DNER: variants seen among roughly 807,000 people sequenced by gnomAD.
The protein encoded by DNER is delta/notch like EGF repeat containing.
Under a neutral mutation model 78.2 loss-of-function variants are expected in DNER, and 33 were observed. The observed-to-expected ratio is 0.42, with a 90% CI of 0.32 to 0.56. DNER has a LOEUF of 0.56. Ranked by LOEUF, DNER falls within the 20% of genes least tolerant of loss-of-function variation. The probability of loss-of-function intolerance (pLI) is 0.11; values close to 1 mark genes in which losing one functional copy is unlikely to be tolerated. For synonymous variants in DNER, 417 were observed against 384.8 expected (o/e 1.08, Z -0.98); for missense variants, 918 against 975.3 (o/e 0.94, Z 0.78).
chr2:229,571,305 G>A (rs1045654054), intron 4 of DNER, among the ~76,000 whole-genome samples: 2 of 152,040 alleles, frequency 1.3e-5, no homozygotes, highest in Admixed American at 6.6e-5. Flanking sequence ...AGAGTTTACC[G>A]CCATTGAAAT....
chr2:229,404,872 A>G (rs955058085), intron 10 of DNER, among the ~76,000 whole-genome samples: 5 of 152,194 alleles, frequency 3.3e-5, no homozygotes, highest in African/African-American at 1.2e-4. Flanking sequence ...TAAACTCTTG[A>G]TATATAGAAT....
chr2:229,396,992 G>A (rs749722358), intron 10 of DNER, among the ~76,000 whole-genome samples: 1 of 152,146 alleles, frequency 6.6e-6, no homozygotes, highest in Non-Finnish European at 1.5e-5. Flanking sequence ...GACTTTGGGG[G>A]TGGGTTTGCA....
intron 7 of DNER, among the ~76,000 whole-genome samples, chr2:229,461,550 G>C (rs561197609): frequency 6.6e-6 from 1 of 151,794 alleles, no homozygotes; most frequent in African/African-American, 2.4e-5. Flanking sequence ...TATGAAAAAC[G>C]ATAGATAGGA....
At chr2:229,505,235 A>G (rs1695713419) in intron 6 of DNER, among the ~76,000 whole-genome samples, 1 of 134,250 alleles carries the variant, frequency 7.4e-6, no homozygotes, top group Admixed American at 7.6e-5. Flanking sequence ...ACAATAAAAA[A>G]GCAGCACTAG....
intron 1 of DNER, among the ~76,000 whole-genome samples, chr2:229,597,024 C>T (rs1161552186): frequency 1.3e-5 from 2 of 151,350 alleles, no homozygotes; most frequent in East Asian, 2.0e-4. Flanking sequence ...CACACATGCA[C>T]ACGCACACAT....
Position 229,468,314 on chromosome 2 carries a change from A to T in DNER, c.1261+8826T>A, listed in dbSNP as rs969197716. On this transcript the variant is annotated intron_variant, in intron 7 of 12. Transcript: ENST00000341772. Reference sequence around the variant, plus strand: ...ATTAACAAATTAGCTACAAGATTAGACATTACAGTTTGGGGGGTCATGCAG... The same window carrying T: ...ATTAACAAATTAGCTACAAGATTAGTCATTACAGTTTGGGGGGTCATGCAG... Among the ~76,000 whole-genome samples the T allele has an allele frequency of 2.0e-5, 3 of 152,212 alleles. No homozygotes were observed. In the South Asian group the frequency reaches 6.2e-4, roughly 32 times the overall value.
intron 5 of DNER, among the ~76,000 whole-genome samples, chr2:229,525,411 C>T (rs1057358411): frequency 3.9e-5 from 6 of 152,082 alleles, no homozygotes; most frequent in African/African-American, 1.4e-4. Flanking sequence ...GAAGTGAATG[C>T]CAGCTTTACA....
intron 5 of DNER, among the ~76,000 whole-genome samples, chr2:229,538,466 G>A (rs2154213001): frequency 6.6e-6 from 1 of 152,240 alleles, no homozygotes; most frequent in African/African-American, 2.4e-5. Context: ...CTAGGTTCAA[G>A]CAATTATCCT....
At chr2:229,452,207 T>C (rs535184441) in intron 7 of DNER, among the ~76,000 whole-genome samples, 2 of 152,336 alleles carry the variant, frequency 1.3e-5, no homozygotes, top group South Asian at 4.1e-4. Context: ...ATGAAACCAG[T>C]TGTTTACTCG....
intron 1 of DNER, among the ~76,000 whole-genome samples, chr2:229,652,412 C>T (rs1426231672): frequency 6.6e-6 from 1 of 152,204 alleles, no homozygotes; most frequent in Non-Finnish European, 1.5e-5. Context: ...AGGGTAAGCA[C>T]ACTAGGTGCA....
At chr2:229,363,596 T>C (rs1692264141) in intron 12 of DNER, among the ~76,000 whole-genome samples, 1 of 152,240 alleles carries the variant, frequency 6.6e-6, no homozygotes, top group South Asian at 2.1e-4. Context: ...CAGTCACTGG[T>C]GCATGCAGGA....
At chr2:229,374,591 A>G (rs1692558399) in intron 11 of DNER, among the ~76,000 whole-genome samples, 1 of 152,146 alleles carries the variant, frequency 6.6e-6, no homozygotes, top group Admixed American at 6.5e-5. Flanking sequence ...GGTAGACACT[A>G]TTATTGCCTT....
At chr2:229,479,949 T>C (rs1695120685) in intron 6 of DNER, among the ~76,000 whole-genome samples, 1 of 152,170 alleles carries the variant, frequency 6.6e-6, no homozygotes, top group Non-Finnish European at 1.5e-5. Context: ...GATGGCATCA[T>C]GAATTCTGTC....
intron 11 of DNER, among the ~76,000 whole-genome samples, chr2:229,377,039 T>C (rs1464751742): frequency 6.6e-6 from 1 of 152,158 alleles, no homozygotes; most frequent in Non-Finnish European, 1.5e-5. Flanking sequence ...TCCCTTTCCC[T>C]GGTTGTCTAG....
intron 1 of DNER, among the ~76,000 whole-genome samples, chr2:229,681,762 C>A (rs1699390047): frequency 6.6e-6 from 1 of 151,412 alleles, no homozygotes; most frequent in African/African-American, 2.4e-5. Flanking sequence ...ATCCTCACCC[C>A]AAAATCTCAT....
chr2:229,557,465 C>T (rs898051517), intron 4 of DNER, among the ~76,000 whole-genome samples: 12 of 152,150 alleles, frequency 7.9e-5, no homozygotes, highest in Non-Finnish European at 1.8e-4. Flanking sequence ...GATGCATTTA[C>T]GAAGCTGTTT....
intron 1 of DNER, among the ~76,000 whole-genome samples, chr2:229,648,114 A>T (rs1047739776): frequency 1.4e-4 from 21 of 152,236 alleles, no homozygotes; most frequent in African/African-American, 5.1e-4. Context: ...TAAGTGCTCC[A>T]TAAAATTTAG....
intron 1 of DNER, among the ~76,000 whole-genome samples, chr2:229,652,566 C>A (rs955840845): frequency 6.6e-6 from 1 of 152,150 alleles, no homozygotes; most frequent in Admixed American, 6.5e-5. Context: ...AAAATGCCAT[C>A]AGGTGAGCTG....
At chr2:229,567,857 A>G (rs748699823) in intron 4 of DNER, among the ~76,000 whole-genome samples, 5 of 152,202 alleles carry the variant, frequency 3.3e-5, no homozygotes, top group Non-Finnish European at 7.4e-5. Context: ...AACAGATTTT[A>G]TTTATGCTTC....
Sources: allele counts gnomAD v4.1 joint callset (sites outside exome capture counted in the v4.1 genomes callset), GRCh38; gene constraint gnomAD v4.1.1; transcripts MANE v1.5; gene names NCBI Gene and HGNC (gene_info 2026-07-23, HGNC 2026-07-21).